The following ZNF112 variants were observed in gnomAD, a reference collection of about 807,000 sequenced individuals.
The protein encoded by ZNF112 is zinc finger protein 112 (Y14).
A neutral mutation model predicts 77.7 loss-of-function variants in ZNF112; 37 were observed. The observed-to-expected ratio is 0.48, with a 90% CI of 0.37 to 0.63. ZNF112 has a LOEUF of 0.63. Among genes scored for constraint, ZNF112 ranks in the 20% least tolerant of loss-of-function variants. The pLI is 0.00. For synonymous variants in ZNF112, 333 were observed against 363.6 expected, an observed-to-expected ratio of 0.92 and a Z score of 0.96; for missense variants, 950 against 1,077.4, an observed-to-expected ratio of 0.88 and a Z score of 1.66.
intron 1 of ZNF112, among the ~76,000 whole-genome samples, chr19:44,365,542 T>G (rs1038436572): frequency 3.3e-5 from 5 of 152,084 alleles, no homozygotes; most frequent in Non-Finnish European, 7.4e-5. Flanking sequence ...CTCAACTATC[T>G]AGGTTATCCT....
At chr19:44,343,403 G>A in intron 1 of ZNF112, 1 of 937,834 alleles carries the variant, frequency 1.1e-6, no homozygotes, top group Non-Finnish European at 1.6e-6. Flanking sequence ...CAGCAGATGT[G>A]GCCACACACC....
At chr19:44,344,469 A>G (rs966820637) in intron 1 of ZNF112, among the ~76,000 whole-genome samples, 1 of 152,192 alleles carries the variant, frequency 6.6e-6, no homozygotes, top group African/African-American at 2.4e-5. Flanking sequence ...TCCAGTAGGC[A>G]CCTGCTCCCT....
intron 1 of ZNF112, among the ~76,000 whole-genome samples, chr19:44,366,093 T>C (rs1261649367): frequency 6.6e-6 from 1 of 152,196 alleles, no homozygotes; most frequent in African/African-American, 2.4e-5. Flanking sequence ...CTCTCGCTTG[T>C]AACCCCAGCA....
chr19:44,365,041 T>C (rs1431274405), intron 1 of ZNF112, among the ~76,000 whole-genome samples: 2 of 152,242 alleles, frequency 1.3e-5, no homozygotes, highest in African/African-American at 2.4e-5. Context: ...TCTGGGTTTA[T>C]TTAAAATTCA....
Position 44,329,297 on chromosome 19 carries a change from T to C in ZNF112, c.860A>G (p.Lys287Arg), listed in dbSNP as rs769330705. The C allele has an allele frequency of 9.3e-6, 15 of 1,613,906 alleles. No individual in the cohort carries two copies. The East Asian group carries it at 2.0e-4, about 22-fold the overall frequency. The change falls in exon 4 of 4, where the codon AAG (lysine) becomes AGG (arginine). Residue 287 changes from lysine (K) to arginine (R), a missense_variant. Physicochemically the swap from Lys to Arg is conservative, Grantham distance 26. Coordinates refer to ENST00000354340, the MANE Select transcript of ZNF112 (RefSeq NM_013380.4). Reference protein sequence around the residue: ...GKPYTYSSCGKGCNYSSLLHI... With the variant: ...GKPYTYSSCGRGCNYSSLLHI... Reference sequence around the variant, plus strand: ...AAGAAGTGAACTATAATTACAGCCCTTTCCACATGAACTGTATGTATAGGG... The same window carrying C: ...AAGAAGTGAACTATAATTACAGCCCCTTCCACATGAACTGTATGTATAGGG...
chr19:44,337,311 T>G, intron 2 of ZNF112, among the ~76,000 whole-genome samples: 2 of 109,286 alleles, frequency 1.8e-5, no homozygotes, highest in African/African-American at 7.8e-5. Flanking sequence ...ATATATATAT[T>G]TTGTATATGT....
Position 44,328,404 on chromosome 19 carries a change from T to C in ZNF112, c.1753A>G (p.Ser585Gly), listed in dbSNP as rs1479169494. Residue 585 changes from serine (S) to glycine (G), a missense_variant, in exon 4 of 4, where the codon AGT becomes GGT. Coordinates refer to ENST00000354340, the MANE Select transcript of ZNF112 (RefSeq NM_013380.4). Reference protein sequence around the residue: ...YKCEECGKGFSRNSYLQGHQR... With the variant: ...YKCEECGKGFGRNSYLQGHQR... ...TGGCCTTGAAGGTATGAATTTCGAC[T>C]GAACCCCTTCCCACATTCCTCACAT... 6.2e-7 allele frequency: 1 copy of C among 1,613,990 alleles called. No individual in the cohort carries two copies. Among genetic ancestry groups the C allele is most frequent in the Non-Finnish European group, 8.5e-7 (1 of 1,180,006 alleles).
intron 2 of ZNF112, among the ~76,000 whole-genome samples, chr19:44,337,403 ATTTT>A (rs1970398624): frequency 1.7e-5 from 1 of 59,464 alleles, no homozygotes; most frequent in African/African-American, 7.4e-5. Flanking sequence ...TATAATATAT[ATTTT>A]ATATATAATA....
chr19:44,329,328 CT>C lies in ZNF112; in HGVS notation c.828del (p.Lys278SerfsTer35). ...SSEVHQQFHL[E>X]GKPYTYSSCG... ...CATGAACTGTATGTATAGGGCTTCCCTTCCAAGTGGAACTGCTGATGAACCT... is the reference window on the plus strand; with the variant it reads ...CATGAACTGTATGTATAGGGCTTCCCTCCAAGTGGAACTGCTGATGAACCT... On this transcript the variant is annotated frameshift_variant, in exon 4 of 4. Transcript: ENST00000354340. LOFTEE classifies it high-confidence loss of function. 6.2e-7 allele frequency: 1 copy of C among 1,613,820 alleles called. No individual in the cohort carries two copies. The highest frequency in any genetic ancestry group is 1.3e-5 in the African/African-American group (1 of 75,052).
chr19:44,366,427 T>C (rs1218917362), intron 1 of ZNF112, among the ~76,000 whole-genome samples: 1 of 151,976 alleles, frequency 6.6e-6, no homozygotes, highest in Non-Finnish European at 1.5e-5. Context: ...TAGCAGAATG[T>C]GCTAATTAGT....
chr19:44,337,926 A>G (rs989342628), intron 2 of ZNF112, among the ~76,000 whole-genome samples: 6 of 149,720 alleles, frequency 4.0e-5, no homozygotes, highest in African/African-American at 1.2e-4. Context: ...TAGATACTAC[A>G]GTGACCATAC....
intron 2 of ZNF112, 119 bp from the exon 3 acceptor site, chr19:44,336,837 T>A: frequency 1.4e-6 from 1 of 730,582 alleles, no homozygotes; most frequent in South Asian, 1.7e-5. Context: ...TTCCACCCTG[T>A]TACCTTCCAC....
At chr19:44,347,831 G>A (rs1163317165) in intron 1 of ZNF112, among the ~76,000 whole-genome samples, 2 of 152,082 alleles carry the variant, frequency 1.3e-5, no homozygotes, top group East Asian at 1.9e-4. Flanking sequence ...TATTTCTGGT[G>A]CTCTTTCATC....
chr19:44,336,523 T>C (rs1045051361), intron 3 of ZNF112, 100 bp downstream of exon 3: 7 of 995,696 alleles, frequency 7.0e-6, no homozygotes, highest in African/African-American at 6.4e-5. Flanking sequence ...ATGTGTGAAA[T>C]GGGGAGCCAC....
Position 44,329,602 on chromosome 19 carries a change from TGA to T in ZNF112, c.553_554del (p.Ser185ThrfsTer2). On this transcript the variant is annotated frameshift_variant, in exon 4 of 4. Transcript: ENST00000354340. LOFTEE classifies it high-confidence loss of function. ...HSWRKMYLKESHNYQCRCQQI... is the reference protein window; with the variant it reads ...HSWRKMYLKEXHNYQCRCQQI... Reference sequence around the variant, plus strand: ...GCTGACATCTACACTGATAATTATGTGACTCTTTCAGATACATTTTCCTCCAA... The same window carrying T: ...GCTGACATCTACACTGATAATTATGTCTCTTTCAGATACATTTTCCTCCAA... The T allele has an allele frequency of 6.2e-7, 1 of 1,614,172 alleles. No homozygotes were observed. Among genetic ancestry groups the T allele is most frequent in the Non-Finnish European group, 8.5e-7 (1 of 1,180,014 alleles).
intron 1 of ZNF112, among the ~76,000 whole-genome samples, chr19:44,352,657 C>A (rs2123209190): frequency 6.6e-6 from 1 of 152,072 alleles, no homozygotes; most frequent in South Asian, 2.1e-4. Flanking sequence ...TCAGAGAATA[C>A]AAGGTCAATG....
At chr19:44,355,757 T>C (rs1970775341) in intron 1 of ZNF112, among the ~76,000 whole-genome samples, 1 of 152,256 alleles carries the variant, frequency 6.6e-6, no homozygotes, top group South Asian at 2.1e-4. Flanking sequence ...GTTTAAATAC[T>C]ATCTTTATTA....
intron 1 of ZNF112, among the ~76,000 whole-genome samples, chr19:44,356,278 C>G (rs750564565): frequency 3.3e-5 from 5 of 152,240 alleles, no homozygotes; most frequent in Admixed American, 6.5e-5. Flanking sequence ...GATACTAGTA[C>G]CATTTTAAAG....
chr19:44,356,266 T>C, intron 1 of ZNF112, among the ~76,000 whole-genome samples: 1 of 152,166 alleles, frequency 6.6e-6, no homozygotes, highest in East Asian at 1.9e-4. Context: ...CTCCATTAGA[T>C]AGATACTAGT....
Sources: gnomAD v4.1 joint callset for allele counts (sites outside exome capture counted in the v4.1 genomes callset) on GRCh38, gnomAD v4.1.1 for gene constraint, MANE v1.5 for transcripts, NCBI Gene and HGNC (gene_info 2026-07-23, HGNC 2026-07-21) for gene names.